DOK5: variants seen among roughly 807,000 people sequenced by gnomAD.
DOK5 encodes the protein docking protein 5, also known as downstream of tyrosine kinase 5.
DOK5 carries 27 observed loss-of-function variants against 43.3 expected under a neutral mutation model. That is an observed-to-expected ratio of 0.62 (90% CI 0.46 to 0.86). The LOEUF is 0.86. Ranked by LOEUF, DOK5 falls within the 40% of genes least tolerant of loss-of-function variation. The pLI is 0.00. For synonymous variants in DOK5, 146 were observed against 140.1 expected (o/e 1.04, Z -0.30); for missense variants, 373 against 392.9 (o/e 0.95, Z 0.43).
chr20:54,643,427 T>C (rs1197425335), intron 6 of DOK5, 31 bp from the exon 7 acceptor site: 5 of 1,610,592 alleles, frequency 3.1e-6, no homozygotes, highest in Non-Finnish European at 4.2e-6. Context: ...CCAGTGTTGC[T>C]GACGCACAAC....
intron 6 of DOK5, among the ~76,000 whole-genome samples, chr20:54,627,733 A>G (rs978786655): frequency 1.3e-5 from 2 of 152,218 alleles, no homozygotes; most frequent in Non-Finnish European, 2.9e-5. Flanking sequence ...TCGGGGTTCC[A>G]CTTGAGTGTT....
intron 1 of DOK5, among the ~76,000 whole-genome samples, chr20:54,553,558 A>AAT (rs1984604007): frequency 6.6e-6 from 1 of 151,608 alleles, no homozygotes; most frequent in African/African-American, 2.4e-5. Context: ...AGTCGAGTAT[A>AAT]ATAGTGCCAC....
At chr20:54,619,075 G>C (rs1039608648) in intron 6 of DOK5, among the ~76,000 whole-genome samples, 1 of 74,598 alleles carries the variant, frequency 1.3e-5, no homozygotes, top group African/African-American at 4.0e-5. Flanking sequence ...ATATATATAT[G>C]AAAAATCACT....
chr20:54,553,190 T>C (rs952744732), intron 1 of DOK5, among the ~76,000 whole-genome samples: 3 of 152,202 alleles, frequency 2.0e-5, no homozygotes, highest in Admixed American at 6.5e-5. Flanking sequence ...TTCCTAAGGA[T>C]AGATTTCTAT....
chr20:54,643,333 A>T, intron 6 of DOK5, 125 bp from the exon 7 acceptor site: 1 of 1,302,964 alleles, frequency 7.7e-7, no homozygotes, highest in South Asian at 1.4e-5. Flanking sequence ...CCTTCAATCG[A>T]TGTTCATTGA....
chr20:54,618,349 C>CT (rs34232628), intron 6 of DOK5, among the ~76,000 whole-genome samples: 1,903 of 145,758 alleles, frequency 0.013, 38 homozygotes, highest in African/African-American at 0.043. Context: ...TTTTTTTTCC[C>CT]TTTTTTTTTT....
At chr20:54,539,309 A>AT (rs1568773423) in intron 1 of DOK5, among the ~76,000 whole-genome samples, 1 of 148,182 alleles carries the variant, frequency 6.7e-6, no homozygotes, top group African/African-American at 2.5e-5. Flanking sequence ...AAAAAAAAAA[A>AT]GTGGAGAACA....
chr20:54,551,007 T>C (rs1411353969), intron 1 of DOK5, among the ~76,000 whole-genome samples: 2 of 152,214 alleles, frequency 1.3e-5, no homozygotes, highest in African/African-American at 2.4e-5. Context: ...CATGTTGCAT[T>C]CCCACCAACT....
intron 2 of DOK5, among the ~76,000 whole-genome samples, chr20:54,569,412 A>G (rs907006827): frequency 1.3e-5 from 2 of 152,206 alleles, no homozygotes; most frequent in Admixed American, 6.5e-5. Flanking sequence ...TTTAATATCA[A>G]TACACCATAA....
chr20:54,644,997 CTTTTTTTTTTTTTTT>C (rs869031533), intron 7 of DOK5, among the ~76,000 whole-genome samples: 1 of 82,414 alleles, frequency 1.2e-5, no homozygotes, highest in South Asian at 4.6e-4. Flanking sequence ...TAAAAAAACT[CTTTTTTTTTTTTTTT>C]TTTTTTTTTT....
chr20:54,481,131 CATCTATCTATCTATCT>C (rs58563329), intron 1 of DOK5, among the ~76,000 whole-genome samples: 55 of 139,580 alleles, frequency 3.9e-4, no homozygotes, highest in Non-Finnish European at 6.0e-4. Context: ...ATGTATCTAT[CATCTATCTATCTATCT>C]ATCTATCTAT....
At chr20:54,543,056 C>T (rs1984218738) in intron 1 of DOK5, among the ~76,000 whole-genome samples, 1 of 151,962 alleles carries the variant, frequency 6.6e-6, no homozygotes, top group African/African-American at 2.4e-5. Flanking sequence ...TATAAATATT[C>T]CTGGTTTAAC....
chr20:54,612,541 G>A (rs182702383), intron 6 of DOK5, among the ~76,000 whole-genome samples: 99 of 152,258 alleles, frequency 6.5e-4, no homozygotes, highest in African/African-American at 2.3e-3. Flanking sequence ...ATGTGAGTGG[G>A]CCTCATCCAA....
intron 5 of DOK5, among the ~76,000 whole-genome samples, chr20:54,594,701 G>C (rs1439383864): frequency 6.6e-6 from 1 of 151,944 alleles, no homozygotes; most frequent in Non-Finnish European, 1.5e-5. Context: ...CCATTTACAG[G>C]AAATAGTAGT....
At chr20:54,539,198 A>C (rs1394619688) in intron 1 of DOK5, among the ~76,000 whole-genome samples, 2 of 150,066 alleles carry the variant, frequency 1.3e-5, no homozygotes, top group East Asian at 2.0e-4. Flanking sequence ...GCTGAGGCAG[A>C]AGAATTGCTT....
intron 1 of DOK5, among the ~76,000 whole-genome samples, chr20:54,518,945 A>G (rs1983296365): frequency 6.6e-6 from 1 of 152,226 alleles, no homozygotes; most frequent in South Asian, 2.1e-4. Flanking sequence ...CAAAAGACAC[A>G]TGAAAAAATG....
intron 6 of DOK5, among the ~76,000 whole-genome samples, chr20:54,628,149 C>T (rs111932892): frequency 1.2e-4 from 19 of 152,100 alleles, no homozygotes; most frequent in Admixed American, 3.3e-4. Context: ...CACAAGGTTG[C>T]GAGTGTTTAG....
At chr20:54,481,043 TATCATCTGTCTATCATCTATCTATC>T (rs1981676602) in intron 1 of DOK5, among the ~76,000 whole-genome samples, 1 of 133,820 alleles carries the variant, frequency 7.5e-6, no homozygotes, top group African/African-American at 3.4e-5. Flanking sequence ...ATCATCTATC[TATCATCTGTCTATCATCTATCTATC>T]ATCTATCTAT....
intron 1 of DOK5, among the ~76,000 whole-genome samples, chr20:54,533,250 T>C (rs1568770557): frequency 6.6e-6 from 1 of 152,182 alleles, no homozygotes; most frequent in Non-Finnish European, 1.5e-5. Flanking sequence ...CCCCTCTCAG[T>C]TGTGATGACC....
Sources: gnomAD v4.1 joint callset for allele counts (sites outside exome capture counted in the v4.1 genomes callset) on GRCh38, gnomAD v4.1.1 for gene constraint, MANE v1.5 for transcripts, NCBI Gene and HGNC (gene_info 2026-07-23, HGNC 2026-07-21) for gene names.